The following CACNA1D variants were observed in gnomAD, a reference collection of about 807,000 sequenced individuals.
The protein encoded by CACNA1D is voltage-dependent L-type calcium channel subunit alpha-1D.
CACNA1D carries 55 observed loss-of-function variants against 257.1 expected under a neutral mutation model. The ratio of observed to expected loss-of-function variants is 0.21; its 90% CI spans 0.17 to 0.27. CACNA1D has a LOEUF of 0.27. Among genes scored for constraint, CACNA1D ranks in the 10% least tolerant of loss-of-function variants. CACNA1D has a pLI of 1.00. For synonymous variants in CACNA1D, 980 were observed against 1,014.9 expected, an observed-to-expected ratio of 0.97 and a Z score of 0.65; for missense variants, 1,876 against 2,784.0, an observed-to-expected ratio of 0.67 and a Z score of 7.34.
In CACNA1D at chr3:53,501,710, A is replaced by C; in HGVS notation, c.473A>C (p.Asn158Thr). The C allele has an allele frequency of 6.4e-7, 1 of 1,565,752 alleles. No individual in the cohort carries two copies. Among genetic ancestry groups the C allele is most frequent in the Non-Finnish European group, 8.8e-7 (1 of 1,136,498 alleles). Residue 158 changes from asparagine to threonine, a missense_variant, in exon 3 of 48, where the codon AAT becomes ACT. Physicochemically the swap from Asn to Thr is moderately conservative, Grantham distance 65. Coordinates refer to ENST00000350061, the MANE Select transcript of CACNA1D (RefSeq NM_001128840.3). Reference sequence around the variant, plus strand: ...CCTGAAGATGATTCTAATTCAACAAATCATAACTTGGTAAGTGTCCTTAGA... The same window carrying C: ...CCTGAAGATGATTCTAATTCAACAACTCATAACTTGGTAAGTGTCCTTAGA... ...PFPEDDSNST[N>T]HNLEKVEYAF... is the part of the protein sequence containing the mutation.
chr3:53,524,521 A>G (rs564054533), intron 3 of CACNA1D, among the ~76,000 whole-genome samples: 5 of 152,336 alleles, frequency 3.3e-5, no homozygotes, highest in African/African-American at 1.2e-4. Context: ...CAGGTTGAAA[A>G]TGTCCTAGGC....
At chr3:53,790,922 T>C in intron 40 of CACNA1D, 1 of 696,678 alleles carries the variant, frequency 1.4e-6, no homozygotes, top group Non-Finnish European at 2.6e-6. Context: ...CTTTTTTTAA[T>C]CTAAGAGGAG....
At chr3:53,674,181 G>GT (rs2094351815) in intron 8 of CACNA1D, 1 of 377,748 alleles carries the variant, frequency 2.6e-6, no homozygotes, top group Non-Finnish European at 5.0e-6. Context: ...ACTCCTTGTC[G>GT]TTTTGTGTCT....
At chr3:53,524,727 T>A (rs1418101565) in intron 3 of CACNA1D, among the ~76,000 whole-genome samples, 1 of 152,242 alleles carries the variant, frequency 6.6e-6, no homozygotes, top group Non-Finnish European at 1.5e-5. Flanking sequence ...GTTTTCAGGC[T>A]GAATTTCTTG....
chr3:53,713,955 C>T (rs1302132078), intron 9 of CACNA1D, among the ~76,000 whole-genome samples: 1 of 152,146 alleles, frequency 6.6e-6, no homozygotes, highest in East Asian at 1.9e-4. Flanking sequence ...GGAGCTCTTC[C>T]CAGAGATCCC....
intron 3 of CACNA1D, among the ~76,000 whole-genome samples, chr3:53,580,270 G>C (rs1430085807): frequency 3.3e-5 from 5 of 152,204 alleles, no homozygotes; most frequent in Non-Finnish European, 7.4e-5. Context: ...AGTTTTTCTT[G>C]CTCTGCTCAT....
At chr3:53,564,358 C>T (rs1002470972) in intron 3 of CACNA1D, among the ~76,000 whole-genome samples, 1 of 151,804 alleles carries the variant, frequency 6.6e-6, no homozygotes, top group Non-Finnish European at 1.5e-5. Context: ...ACAGGGTTTC[C>T]CCATGTTGGC....
chr3:53,607,622 T>C (rs931661252), intron 3 of CACNA1D, among the ~76,000 whole-genome samples: 4 of 152,254 alleles, frequency 2.6e-5, no homozygotes, highest in Non-Finnish European at 4.4e-5. Context: ...CGAATTAGTC[T>C]GAAAGTGGAT....
chr3:53,522,230 G>A (rs910391957), intron 3 of CACNA1D, among the ~76,000 whole-genome samples: 3 of 152,142 alleles, frequency 2.0e-5, no homozygotes, highest in Non-Finnish European at 4.4e-5. Flanking sequence ...AGTCCTGTTG[G>A]GCAGCACTGG....
At position 53,774,529 on chromosome 3, in the gene CACNA1D, C is replaced by T. The variant is rs554930395; in HGVS notation, c.4111-58C>T. The T allele has an allele frequency of 1.2e-4, 126 of 1,034,822 alleles. No individual in the cohort carries two copies. The highest frequency in any genetic ancestry group is 1.8e-4 in the Non-Finnish European group (116 of 651,366). 64.1% of individuals were successfully genotyped at this position (1,034,822 alleles called of 1,614,324 possible). ...CCTGAGTTAGTTCTAAATTCACATA[C>T]GGATTTTTTTTGCATGACGAAATCT... is the stretch of plus-strand genomic sequence containing the variant. On this transcript the variant is annotated intron_variant, in intron 33 of 47. Coordinates refer to ENST00000350061, the MANE Select transcript of CACNA1D (RefSeq NM_001128840.3). This position sits in a 1 kb window ranked among gnomAD's most constrained non-coding sequence, Gnocchi z 4.3.
chr3:53,614,946 G>T (rs143385977), intron 3 of CACNA1D, among the ~76,000 whole-genome samples: 2 of 152,344 alleles, frequency 1.3e-5, no homozygotes, highest in African/African-American at 4.8e-5. Flanking sequence ...TTGTACTTCA[G>T]TAAGTTAACT....
At chr3:53,744,913 G>A (rs958261744) in intron 23 of CACNA1D, 86 bp downstream of exon 23, 1 of 792,584 alleles carries the variant, frequency 1.3e-6, no homozygotes, top group Non-Finnish European at 2.3e-6. Flanking sequence ...CTGAGCTGAG[G>A]CCTGATGGAT....
intron 3 of CACNA1D, among the ~76,000 whole-genome samples, chr3:53,571,842 G>T (rs1279554541): frequency 1.3e-5 from 2 of 152,326 alleles, no homozygotes; most frequent in Non-Finnish European, 1.5e-5. Flanking sequence ...GTCCCAAGCT[G>T]TTCTGCTTCG....
intron 8 of CACNA1D, among the ~76,000 whole-genome samples, chr3:53,692,068 T>C (rs2094534369): frequency 6.7e-6 from 1 of 149,496 alleles, no homozygotes; most frequent in African/African-American, 2.5e-5. Context: ...CAAAGTTGCA[T>C]GTCTTTGATC....
chr3:53,550,137 A>G (rs1370883438), intron 3 of CACNA1D, among the ~76,000 whole-genome samples: 1 of 152,136 alleles, frequency 6.6e-6, no homozygotes, highest in African/African-American at 2.4e-5. Flanking sequence ...GACTGATGGG[A>G]GAGAGAGTGA....
intron 3 of CACNA1D, among the ~76,000 whole-genome samples, chr3:53,615,402 T>G (rs143617704): frequency 7.9e-4 from 121 of 152,332 alleles, no homozygotes; most frequent in Non-Finnish European, 1.4e-3. Flanking sequence ...GTGCTAATCA[T>G]AAGCAATCAC....
chr3:53,699,793 T>C (rs2108573660), intron 8 of CACNA1D, among the ~76,000 whole-genome samples: 1 of 152,282 alleles, frequency 6.6e-6, no homozygotes, highest in East Asian at 1.9e-4. Flanking sequence ...GTGACCATCA[T>C]TGTGAGTGGG....
chr3:53,670,923 G>A (rs540805714), intron 7 of CACNA1D, among the ~76,000 whole-genome samples: 167 of 152,234 alleles, frequency 1.1e-3, no homozygotes, highest in African/African-American at 3.8e-3. Flanking sequence ...CTCTGAAAAG[G>A]GACTTGGATT....
intron 40 of CACNA1D, among the ~76,000 whole-genome samples, chr3:53,798,307 G>GCA (rs3836512): frequency 1.1e-5 from 1 of 89,010 alleles, no homozygotes. Flanking sequence ...GTGTATGTGT[G>GCA]CGTGTGTGTG....
Sources: gnomAD v4.1 joint callset for allele counts (sites outside exome capture counted in the v4.1 genomes callset) on GRCh38, gnomAD v4.1.1 for gene constraint, Gnocchi (gnomAD v3.1) non-coding constraint, MANE v1.5 for transcripts, NCBI Gene and HGNC (gene_info 2026-07-23, HGNC 2026-07-21) for gene names.